The following ZFHX3 variants were observed in gnomAD, a reference collection of about 807,000 sequenced individuals.
ZFHX3 encodes the protein zinc finger homeobox 3, also known as zinc finger homeobox protein 3.
Under a neutral mutation model 279.1 loss-of-function variants are expected in ZFHX3, and 42 were observed. The ratio of observed to expected loss-of-function variants is 0.15; its 90% CI spans 0.12 to 0.19. The LOEUF (loss-of-function observed/expected upper bound fraction) is 0.19. ZFHX3 is among the 10% of genes least tolerant of loss of function. The pLI, the probability that ZFHX3 is intolerant of heterozygous loss-of-function variation, is 1.00. For synonymous variants in ZFHX3, 2,293 were observed against 1,957.8 expected, an observed-to-expected ratio of 1.17 and a Z score of -4.52; for missense variants, 4,981 against 4,754.0, an observed-to-expected ratio of 1.05 and a Z score of -1.40.
intron 5 of ZFHX3, among the ~76,000 whole-genome samples, chr16:72,812,246 C>T (rs1198792419): frequency 6.6e-6 from 1 of 152,172 alleles, no homozygotes; most frequent in Non-Finnish European, 1.5e-5. Context: ...TCTGTCACTA[C>T]TTTAACAACT....
At chr16:72,906,382 G>T (rs569304914) in intron 3 of ZFHX3, among the ~76,000 whole-genome samples, 7 of 152,002 alleles carry the variant, frequency 4.6e-5, no homozygotes, top group African/African-American at 1.7e-4. Flanking sequence ...GCACTGGGGG[G>T]GCATGGGACC....
chr16:73,719,438 C>G (rs72803126), intron 1 of ZFHX3, among the ~76,000 whole-genome samples: 8 of 152,226 alleles, frequency 5.3e-5, no homozygotes, highest in Non-Finnish European at 8.8e-5. Context: ...GGTTCACACA[C>G]ATGCTTAGGA....
chr16:72,959,248 G>C lies in ZFHX3; in HGVS notation c.898C>G (p.His300Asp). 1 of 1,614,184 alleles carries C rather than the reference G, an allele frequency of 6.2e-7. No homozygotes were observed. Among genetic ancestry groups the C allele is most frequent in the Non-Finnish European group, 8.5e-7 (1 of 1,180,032 alleles). Residue 300 changes from histidine (H) to aspartate (D), a missense_variant, in exon 2 of 10, where the codon CAC (histidine) becomes GAC (aspartate). Coordinates refer to ENST00000268489, the MANE Select transcript of ZFHX3 (RefSeq NM_006885.4). ...GTCATTCGATGGTCATGCACCGCGT[G>C]GGTCACAAACGAACGGACGTACCCA... ...SFGYVRSFVTHAVHDHRMTLS... is the reference protein window; with the variant it reads ...SFGYVRSFVTDAVHDHRMTLS...
At chr16:73,178,349 G>A (rs555730239) in intron 5 of ZFHX3, among the ~76,000 whole-genome samples, 45 of 152,164 alleles carry the variant, frequency 3.0e-4, no homozygotes, top group Admixed American at 9.2e-4. Context: ...ATGTTGACCA[G>A]GCTAGTCTCA....
At position 72,959,527 on chromosome 16, in the gene ZFHX3, A is replaced by G. The variant is rs770341380; in HGVS notation, c.619T>C (p.Trp207Arg). ...AAAGCCTGGTCTGGGCCCTCAAACC[A>G]TTTCCCGAAGGATGAGGCTATGTGG... Reference protein sequence around the residue: ...TFHIASSFGKWFEGPDQAFPN... With the variant: ...TFHIASSFGKRFEGPDQAFPN... Residue 207 changes from tryptophan (W) to arginine (R), a missense_variant, in exon 2 of 10, where the codon TGG becomes CGG. By Grantham distance (101) the Trp-to-Arg change is moderately radical. Transcript: ENST00000268489. The G allele has an allele frequency of 6.2e-7, 1 of 1,614,200 alleles. No individual in the cohort carries two copies. Among genetic ancestry groups the G allele is most frequent in the East Asian group, 2.2e-5 (1 of 44,872 alleles).
chr16:73,378,968 C>T (rs2016773225), intron 3 of ZFHX3, among the ~76,000 whole-genome samples: 1 of 152,078 alleles, frequency 6.6e-6, no homozygotes, highest in African/African-American at 2.4e-5. Context: ...GTGTAAAACT[C>T]TCAAGGAAGA....
At chr16:73,360,028 G>C (rs919806709) in intron 3 of ZFHX3, among the ~76,000 whole-genome samples, 6 of 152,126 alleles carry the variant, frequency 3.9e-5, no homozygotes, top group Non-Finnish European at 7.3e-5. Flanking sequence ...TGAGTGCACA[G>C]CTTTGAAGGC....
At chr16:73,254,707 G>C (rs1269356675) in intron 5 of ZFHX3, among the ~76,000 whole-genome samples, 2 of 152,136 alleles carry the variant, frequency 1.3e-5, no homozygotes, top group East Asian at 1.9e-4. Flanking sequence ...TTCTCATCAT[G>C]TTTTTGTCTC....
intron 7 of ZFHX3, chr16:73,127,681 G>A (rs928534594): frequency 5.1e-6 from 6 of 1,178,256 alleles, no homozygotes; most frequent in Non-Finnish European, 6.5e-6. Flanking sequence ...TTAAAACCCC[G>A]ATGCTTTTTC....
intron 4 of ZFHX3, among the ~76,000 whole-genome samples, chr16:72,851,475 C>T (rs568367305): frequency 7.2e-5 from 11 of 152,270 alleles, no homozygotes; most frequent in South Asian, 2.1e-4. Flanking sequence ...AGAGTTCCTA[C>T]AGTATTAATA....
chr16:73,057,743 A>G lies in ZFHX3; in HGVS notation c.-24+787T>C, dbSNP rs1206032219. On this transcript the variant is annotated intron_variant, in intron 1 of 8. Transcript: ENST00000397992. ...CGGCGCTGCCAGTGGGGCAGGGCGG[A>G]GAGCGCACAGGTAGAGGATCGCGCG... Among the ~76,000 whole-genome samples the G allele has an allele frequency of 5.3e-5, 8 of 151,358 alleles. No individual in the cohort carries two copies. In the East Asian group the frequency reaches 1.4e-3, roughly 26 times the overall value.
chr16:73,753,530 A>AGTGGGTTTAT (rs1454952319), intron 1 of ZFHX3, among the ~76,000 whole-genome samples: 2 of 152,192 alleles, frequency 1.3e-5, no homozygotes, highest in Non-Finnish European at 2.9e-5. Context: ...AGTGGGTTTA[A>AGTGGGTTTAT]GTGGGTATAA....
intron 1 of ZFHX3, among the ~76,000 whole-genome samples, chr16:72,967,926 T>TA (rs34395944): frequency 0.59 from 77,581 of 131,318 alleles, 23,380 homozygotes; most frequent in Admixed American, 0.65. Context: ...AGACCCCATC[T>TA]AAAAAAAAAA....
intron 1 of ZFHX3, among the ~76,000 whole-genome samples, chr16:73,691,150 ATTC>A (rs2053146024): frequency 6.6e-6 from 1 of 152,200 alleles, no homozygotes; most frequent in South Asian, 2.1e-4. Flanking sequence ...TGCTGCCGCT[ATTC>A]TTGTTATATA....
At chr16:73,161,142 T>G (rs934563310) in intron 5 of ZFHX3, among the ~76,000 whole-genome samples, 1 of 152,156 alleles carries the variant, frequency 6.6e-6, no homozygotes, top group Non-Finnish European at 1.5e-5. Context: ...CTGGCTAATC[T>G]TTTAAACATT....
At chr16:73,127,099 A>G in intron 7 of ZFHX3, 1 of 276,718 alleles carries the variant, frequency 3.6e-6, no homozygotes, top group Non-Finnish European at 7.1e-6. Flanking sequence ...CTTGAAATCC[A>G]CCTGAAATGA....
At chr16:73,238,116 T>A (rs963721638) in intron 5 of ZFHX3, among the ~76,000 whole-genome samples, 5 of 152,210 alleles carry the variant, frequency 3.3e-5, no homozygotes, top group African/African-American at 4.8e-5. Flanking sequence ...TATTCCTTCT[T>A]CATTTCTGGT....
chr16:73,838,038 A>G (rs115695206), intron 1 of ZFHX3, among the ~76,000 whole-genome samples: 2,802 of 152,330 alleles, frequency 0.018, 94 homozygotes, highest in African/African-American at 0.063. Flanking sequence ...AATCGGACAT[A>G]ACATGGTTGG....
intron 2 of ZFHX3, among the ~76,000 whole-genome samples, chr16:73,467,316 C>T (rs1034050409): frequency 6.6e-6 from 1 of 152,164 alleles, no homozygotes; most frequent in Non-Finnish European, 1.5e-5. Flanking sequence ...CATTAACTGC[C>T]CAATAACTTC....
Sources: allele counts gnomAD v4.1 joint callset (sites outside exome capture counted in the v4.1 genomes callset), GRCh38; gene constraint gnomAD v4.1.1; transcripts MANE v1.5; gene names NCBI Gene and HGNC (gene_info 2026-07-23, HGNC 2026-07-21).